The following PDCD2L variants were observed in gnomAD, a reference collection of about 807,000 sequenced individuals.
PDCD2L encodes uS5 assembly chaperone PDCD2L.
PDCD2L carries 44 observed loss-of-function variants against 40.4 expected under a neutral mutation model. The observed-to-expected ratio is 1.09, with a 90% CI of 0.86 to 1.40. PDCD2L has a LOEUF of 1.40. Ranked by LOEUF, PDCD2L falls within the 40% of genes most tolerant of loss-of-function variation. The pLI, the probability that PDCD2L is intolerant of heterozygous loss-of-function variation, is 0.00. For missense variants in PDCD2L, 470 were observed against 453.7 expected (o/e 1.04, Z -0.33); for synonymous variants, 194 against 174.6 (o/e 1.11, Z -0.88).
intron 4 of PDCD2L, among the ~76,000 whole-genome samples, chr19:34,413,083 G>A (rs1417228051): frequency 6.6e-6 from 1 of 151,192 alleles, no homozygotes; most frequent in Non-Finnish European, 1.5e-5. Context: ...TTCTTGCCCA[G>A]GCTGGAGTGC....
chr19:34,418,558 G>A (rs1361626405), intron 5 of PDCD2L, among the ~76,000 whole-genome samples: 1 of 152,118 alleles, frequency 6.6e-6, no homozygotes, highest in Non-Finnish European at 1.5e-5. Flanking sequence ...CCAGTGTTTG[G>A]CTATTATAAA....
Position 34,404,943 on chromosome 19 carries a change from C to T in PDCD2L, c.289C>T (p.Arg97Cys). 3 of 1,614,130 alleles carry T rather than the reference C, an allele frequency of 1.9e-6. No homozygotes were observed. The highest frequency in any genetic ancestry group is 2.5e-6 in the Non-Finnish European group (3 of 1,180,032). Reference sequence around the variant, plus strand: ...TTCACCCCGAAGCTGGAAGGTGTTCCGCTCCCAGTGCCTGCAGGTGCCAGA... The same window carrying T: ...TTCACCCCGAAGCTGGAAGGTGTTCTGCTCCCAGTGCCTGCAGGTGCCAGA... ...TGGARSWKVFRSQCLQVPERE... is the reference protein window; with the variant it reads ...TGGARSWKVFCSQCLQVPERE... The change falls in exon 3 of 7, where the codon CGC (arginine) becomes TGC (cysteine). Residue 97 changes from arginine (R) to cysteine (C), a missense_variant. Transcript: ENST00000246535.
At chr19:34,420,018 T>C (rs1217281216) in intron 5 of PDCD2L, among the ~76,000 whole-genome samples, 1 of 152,044 alleles carries the variant, frequency 6.6e-6, no homozygotes, top group Non-Finnish European at 1.5e-5. Context: ...AGAGTCTTGC[T>C]CTATCATCCA....
Position 34,404,794 on chromosome 19 carries a change from G to A in PDCD2L, c.254G>A (p.Cys85Tyr). 3 of 1,605,180 alleles carry A rather than the reference G, an allele frequency of 1.9e-6. No homozygotes were observed. The highest frequency in any genetic ancestry group is 2.5e-6 in the Non-Finnish European group (3 of 1,177,372). Reference protein sequence around the residue: ...LHVFACACPGCSTGGARSWKV... With the variant: ...LHVFACACPGYSTGGARSWKV... ...GTGTTCGCGTGCGCCTGCCCCGGCTGTAGCACCGGCGGTGCGCGCAGGTAG... is the reference window on the plus strand; with the variant it reads ...GTGTTCGCGTGCGCCTGCCCCGGCTATAGCACCGGCGGTGCGCGCAGGTAG... The change falls in exon 2 of 7, where the codon TGT becomes TAT. Residue 85 changes from cysteine (C) to tyrosine (Y), a missense_variant. By Grantham distance (194) the Cys-to-Tyr change is radical. Transcript: ENST00000246535.
chr19:34,406,949 G>T (rs1039670407), intron 3 of PDCD2L, among the ~76,000 whole-genome samples: 2 of 147,542 alleles, frequency 1.4e-5, no homozygotes, highest in African/African-American at 5.0e-5. Context: ...TATCCTGCCT[G>T]CCTCAGCCTC....
At chr19:34,423,593 C>A (rs983022091) in intron 6 of PDCD2L, among the ~76,000 whole-genome samples, 5 of 147,638 alleles carry the variant, frequency 3.4e-5, no homozygotes, top group African/African-American at 1.2e-4. Flanking sequence ...CTCCCAGGTT[C>A]AAGCGATTCT....
intron 4 of PDCD2L, among the ~76,000 whole-genome samples, chr19:34,409,827 A>G (rs2075094177): frequency 1.3e-5 from 2 of 152,226 alleles, no homozygotes; most frequent in African/African-American, 4.8e-5. Context: ...CAAGTTAGAA[A>G]ACTACCATTT....
rs777029379 is a variant in PDCD2L, at chr19:34,404,997, G to A, written c.336+7G>A. On this transcript the variant is annotated splice_region_variant and intron_variant, in intron 3 of 6. Coordinates refer to ENST00000246535, the MANE Select transcript of PDCD2L (RefSeq NM_032346.2). ...AGAGGCGCAGGACGCTCAGGTAAAG[G>A]TTGTGATTGGCATGTTATTGTTTTT... 1.2e-6 allele frequency: 2 copies of A among 1,614,070 alleles called. No homozygotes were observed. The highest frequency in any genetic ancestry group is 8.5e-7 in the Non-Finnish European group (1 of 1,179,972).
intron 6 of PDCD2L, among the ~76,000 whole-genome samples, chr19:34,423,426 G>A (rs1405230506): frequency 2.0e-5 from 3 of 150,290 alleles, no homozygotes; most frequent in African/African-American, 4.9e-5. Context: ...TCAAGCTCCC[G>A]ACCTGCCTCG....
At chr19:34,416,470 A>G (rs969461906) in intron 5 of PDCD2L, among the ~76,000 whole-genome samples, 1 of 152,152 alleles carries the variant, frequency 6.6e-6, no homozygotes, top group African/African-American at 2.4e-5. Context: ...AACATACAGC[A>G]TTTTACACTG....
chr19:34,416,853 C>T (rs1258785425), intron 5 of PDCD2L, among the ~76,000 whole-genome samples: 7 of 152,196 alleles, frequency 4.6e-5, no homozygotes, highest in African/African-American at 1.4e-4. Context: ...CGGTGGCTCA[C>T]GCCAGTAATC....
chr19:34,411,005 A>T (rs2075100062), intron 4 of PDCD2L, among the ~76,000 whole-genome samples: 1 of 151,366 alleles, frequency 6.6e-6, no homozygotes, highest in African/African-American at 2.4e-5. Context: ...GGATAGTCTC[A>T]ATCTCTTGAC....
At chr19:34,417,291 A>G (rs1305226298) in intron 5 of PDCD2L, among the ~76,000 whole-genome samples, 1 of 152,136 alleles carries the variant, frequency 6.6e-6, no homozygotes, top group East Asian at 1.9e-4. Flanking sequence ...GCCCCATGAC[A>G]TTACATATCT....
Position 34,404,646 on chromosome 19 carries a change from C to T in PDCD2L, c.109-3C>T, listed in dbSNP as rs895102294. 1.9e-6 allele frequency: 3 copies of T among 1,610,134 alleles called. No individual in the cohort carries two copies. The highest frequency in any genetic ancestry group is 2.5e-6 in the Non-Finnish European group (3 of 1,179,400). ...GGTCTGAGCGCCTCCTCTGTCCCCT[C>T]AGGATGCTCTGCCCACCGTGGCTGC... On this transcript the variant is annotated splice_polypyrimidine_tract_variant and splice_region_variant and intron_variant, in intron 1 of 6. Coordinates refer to ENST00000246535, the MANE Select transcript of PDCD2L (RefSeq NM_032346.2).
intron 5 of PDCD2L, among the ~76,000 whole-genome samples, chr19:34,416,044 C>T (rs2075125174): frequency 6.6e-6 from 1 of 152,206 alleles, no homozygotes; most frequent in African/African-American, 2.4e-5. Flanking sequence ...TCTCAGCCTC[C>T]TGAGTAGCTG....
chr19:34,418,239 T>C (rs922654232), intron 5 of PDCD2L, among the ~76,000 whole-genome samples: 2 of 152,222 alleles, frequency 1.3e-5, no homozygotes, highest in Admixed American at 1.3e-4. Context: ...AGTAAACATA[T>C]TCCTCTCTGC....
At chr19:34,410,487 G>T (rs749137084) in intron 4 of PDCD2L, among the ~76,000 whole-genome samples, 8 of 151,956 alleles carry the variant, frequency 5.3e-5, no homozygotes, top group Non-Finnish European at 1.2e-4. Flanking sequence ...CCTGACCTCA[G>T]GTGATCCACC....
At chr19:34,421,916 T>A in intron 6 of PDCD2L, 1 of 301,140 alleles carries the variant, frequency 3.3e-6, no homozygotes, top group Non-Finnish European at 6.3e-6. Flanking sequence ...GGTGAAACCC[T>A]GTCTCTACTA....
At chr19:34,405,743 A>T (rs1241861881) in intron 3 of PDCD2L, among the ~76,000 whole-genome samples, 2 of 151,902 alleles carry the variant, frequency 1.3e-5, no homozygotes. Flanking sequence ...TCTATTAAAA[A>T]CAAAAACAAA....
Sources: gnomAD v4.1 joint callset for allele counts (sites outside exome capture counted in the v4.1 genomes callset) on GRCh38, gnomAD v4.1.1 for gene constraint, MANE v1.5 for transcripts, NCBI Gene and HGNC (gene_info 2026-07-23, HGNC 2026-07-21) for gene names.